The following STK3 variants were observed in gnomAD, a reference collection of about 807,000 sequenced individuals.
STK3 encodes serine/threonine kinase 3, also known as serine/threonine-protein kinase 3.
STK3 carries 41 observed loss-of-function variants against 58.0 expected under a neutral mutation model. That is an observed-to-expected ratio of 0.71 (90% confidence interval 0.55 to 0.92). The LOEUF is 0.92. STK3 is among the 40% of genes least tolerant of loss of function. The pLI, the probability that STK3 is intolerant of heterozygous loss-of-function variation, is 0.00. For synonymous variants in STK3, 170 were observed against 191.0 expected (o/e 0.89, Z 0.91); for missense variants, 479 against 602.7 (o/e 0.79, Z 2.15).
At chr8:98,747,452 G>A (rs558730559) in intron 4 of STK3, among the ~76,000 whole-genome samples, 1 of 152,192 alleles carries the variant, frequency 6.6e-6, no homozygotes, top group East Asian at 1.9e-4. Context: ...ACGACTGTTA[G>A]ACTCGTCAAA....
At chr8:98,794,199 C>T (rs1832982288) in intron 1 of STK3, among the ~76,000 whole-genome samples, 1 of 151,708 alleles carries the variant, frequency 6.6e-6, no homozygotes, top group African/African-American at 2.4e-5. Flanking sequence ...CAAATTAAGA[C>T]CAAAAATACA....
chr8:98,353,911 A>G, the STK3 span, among the ~76,000 whole-genome samples: 2 of 152,146 alleles, frequency 1.3e-5, no homozygotes, highest in African/African-American at 4.8e-5. Context: ...CTGCCACTGC[A>G]CTCCAGCCTG....
At chr8:98,551,238 T>C (rs1811142355) in intron 8 of STK3, among the ~76,000 whole-genome samples, 1 of 152,180 alleles carries the variant, frequency 6.6e-6, no homozygotes. Flanking sequence ...TTTTCTAAAC[T>C]TCCATAGAAT....
intron 8 of STK3, among the ~76,000 whole-genome samples, chr8:98,563,412 T>C (rs1313485936): frequency 6.6e-6 from 1 of 151,994 alleles, no homozygotes; most frequent in African/African-American, 2.4e-5. Context: ...TACATATATA[T>C]ACACACACAC....
intron 7 of STK3, among the ~76,000 whole-genome samples, chr8:98,588,859 T>G (rs923773821): frequency 1.3e-5 from 2 of 151,604 alleles, no homozygotes; most frequent in African/African-American, 2.4e-5. Flanking sequence ...CATCTTCCAT[T>G]GCTGATACCC....
chr8:98,645,845 T>C (rs1004466845), intron 6 of STK3, among the ~76,000 whole-genome samples: 5 of 152,114 alleles, frequency 3.3e-5, no homozygotes, highest in Admixed American at 6.6e-5. Context: ...GATACAGATA[T>C]AGATATCGAG....
chr8:98,394,624 T>C (rs1283758281), intron 3 of STK3, among the ~76,000 whole-genome samples: 4 of 152,264 alleles, frequency 2.6e-5, no homozygotes, highest in African/African-American at 9.6e-5. Flanking sequence ...GTTTACTTTA[T>C]TCATCCTCAA....
At chr8:98,930,630 A>G (rs768373483) in intron 1 of STK3, among the ~76,000 whole-genome samples, 4 of 152,258 alleles carry the variant, frequency 2.6e-5, no homozygotes, top group Admixed American at 6.5e-5. Flanking sequence ...TGTTGTTTCT[A>G]ACAGCCTTAA....
chr8:98,363,124 C>A, the STK3 span, among the ~76,000 whole-genome samples: 1 of 152,172 alleles, frequency 6.6e-6, no homozygotes, highest in African/African-American at 2.4e-5. Flanking sequence ...AATAGATCAG[C>A]CTTAAATGGA....
intron 10 of STK3, among the ~76,000 whole-genome samples, chr8:98,484,157 C>T: frequency 2.3e-5 from 2 of 85,518 alleles, no homozygotes; most frequent in African/African-American, 8.1e-5. Flanking sequence ...AGACTAAAGT[C>T]CACTTTAGTC....
chr8:98,361,703 T>C, the STK3 span, among the ~76,000 whole-genome samples: 4 of 152,218 alleles, frequency 2.6e-5, no homozygotes, highest in Non-Finnish European at 5.9e-5. Context: ...GTACCTTGTA[T>C]AAATGGCATA....
the STK3 span, among the ~76,000 whole-genome samples, chr8:98,360,518 T>TC: frequency 3.4e-5 from 5 of 149,082 alleles, no homozygotes; most frequent in Admixed American, 2.0e-4. Context: ...TTTCTTTCTT[T>TC]TTTTTTTTTT....
chr8:98,616,326 A>T (rs989768363), intron 6 of STK3, among the ~76,000 whole-genome samples: 63 of 141,680 alleles, frequency 4.4e-4, no homozygotes, highest in Non-Finnish European at 7.5e-4. Context: ...AAACATGGAA[A>T]GGAACAACCA....
intron 7 of STK3, chr8:98,595,231 G>C (rs772372850): frequency 5.3e-5 from 8 of 151,590 alleles, no homozygotes; most frequent in Non-Finnish European, 8.8e-5. Flanking sequence ...TTATACTTAA[G>C]AGCCTGTTTT....
At chr8:98,536,689 T>C (rs1809793420) in intron 9 of STK3, among the ~76,000 whole-genome samples, 1 of 152,230 alleles carries the variant, frequency 6.6e-6, no homozygotes, top group Non-Finnish European at 1.5e-5. Flanking sequence ...GATACTCTGC[T>C]TTTGGATTTC....
At chr8:98,869,924 C>T (rs890686736) in intron 3 of STK3, among the ~76,000 whole-genome samples, 4 of 151,646 alleles carry the variant, frequency 2.6e-5, no homozygotes, top group African/African-American at 9.7e-5. Flanking sequence ...ATACATGTGC[C>T]ATGGTGGTGT....
chr8:98,650,089 C>T (rs1183482328), intron 6 of STK3, among the ~76,000 whole-genome samples: 1 of 152,146 alleles, frequency 6.6e-6, no homozygotes, highest in East Asian at 1.9e-4. Context: ...CAACTATTCA[C>T]CAAATTATGT....
chr8:98,574,914 T>C (rs754412632), intron 8 of STK3, among the ~76,000 whole-genome samples: 1 of 152,296 alleles, frequency 6.6e-6, no homozygotes, highest in African/African-American at 2.4e-5. Context: ...AAAACTGCTA[T>C]GGAATAGTGA....
chr8:98,895,729 T>A (rs931871893), intron 1 of STK3, among the ~76,000 whole-genome samples: 2 of 152,122 alleles, frequency 1.3e-5, no homozygotes, highest in African/African-American at 2.4e-5. Context: ...GATGATCACT[T>A]AGCTGCTGAT....
Sources: allele counts gnomAD v4.1 joint callset (sites outside exome capture counted in the v4.1 genomes callset), GRCh38; gene constraint gnomAD v4.1.1; transcripts MANE v1.5; gene names NCBI Gene and HGNC (gene_info 2026-07-23, HGNC 2026-07-21).